Variants in PDE7B observed in about 807,000 individuals in gnomAD.
PDE7B encodes the protein phosphodiesterase 7B, also known as 3',5'-cyclic-AMP phosphodiesterase 7B.
Under a neutral mutation model 56.2 loss-of-function variants are expected in PDE7B, and 29 were observed. That is an observed-to-expected ratio of 0.52 (90% CI 0.38 to 0.70). PDE7B has a LOEUF of 0.70. Ranked by LOEUF, PDE7B falls within the 30% of genes least tolerant of loss-of-function variation. The probability of loss-of-function intolerance (pLI) is 0.00; values close to 1 mark genes in which losing one functional copy is unlikely to be tolerated. For missense variants in PDE7B, 490 were observed against 565.0 expected, an observed-to-expected ratio of 0.87 and a Z score of 1.35; for synonymous variants, 197 against 196.9, an observed-to-expected ratio of 1.00 and a Z score of 0.00.
intron 8 of PDE7B, among the ~76,000 whole-genome samples, chr6:136,173,007 TACAA>T (rs1239430773): frequency 7.3e-5 from 11 of 151,500 alleles, no homozygotes; most frequent in Middle Eastern, 3.2e-3. Context: ...TAAAAGAGGA[TACAA>T]ACAAATGGAA....
Position 135,984,846 on chromosome 6 carries a change from C to T in PDE7B, c.82+37322C>T, listed in dbSNP as rs750146741. ...GGGACGTGTATACAGAGTCTGCACA[C>T]GGGAAGAGCTCAGAGCTTAGAGCTG... On this transcript the variant is annotated intron_variant, in intron 2 of 12. Transcript: ENST00000308191. Among the ~76,000 whole-genome samples, 5 of 151,916 alleles carry T rather than the reference C, an allele frequency of 3.3e-5. No homozygotes were observed. The East Asian group carries it at 5.8e-4, about 18-fold the overall frequency.
intron 2 of PDE7B, among the ~76,000 whole-genome samples, chr6:135,981,405 G>A (rs1437276653): frequency 6.6e-6 from 1 of 151,674 alleles, no homozygotes; most frequent in African/African-American, 2.4e-5. Context: ...TGTACATTGT[G>A]CAGCACATGT....
At chr6:136,044,932 C>A (rs1420334844) in intron 2 of PDE7B, 1 of 150,876 alleles carries the variant, frequency 6.6e-6, no homozygotes, top group East Asian at 1.9e-4. Context: ...TCTTTTCTTT[C>A]CCTTTAAAAA....
chr6:135,904,660 C>A (rs182495299), intron 1 of PDE7B, among the ~76,000 whole-genome samples: 16 of 152,250 alleles, frequency 1.1e-4, no homozygotes, highest in Admixed American at 9.2e-4. Context: ...ATAACTTTGA[C>A]ATGTGTAGGG....
chr6:136,193,021 T>A lies in PDE7B; in HGVS notation c.*1181T>A, dbSNP rs1779254514. 6.6e-6 allele frequency: 1 copy of A among 152,554 alleles called. No homozygotes were observed. The highest frequency in any genetic ancestry group is 6.5e-5 in the Admixed American group (1 of 15,286). The allele number at this position is 152,554 out of a possible 1,614,324, so 9.5% of individuals were successfully genotyped here. A position where few individuals can be genotyped will look rare whatever the true frequency, so the allele number is the denominator to read the frequency against. On this transcript the variant is annotated 3_prime_UTR_variant, in exon 13 of 13. Coordinates refer to ENST00000308191, the MANE Select transcript of PDE7B (RefSeq NM_018945.4). ...GGCACCAAGCATCGTTTCCTCAGAT[T>A]AATGAGACCCTTCAACAAGCCTGAA...
At chr6:135,951,473 C>A (rs1774697361) in intron 2 of PDE7B, among the ~76,000 whole-genome samples, 3 of 152,020 alleles carry the variant, frequency 2.0e-5, no homozygotes, top group African/African-American at 7.2e-5. Flanking sequence ...CAAAAAGAGC[C>A]CAGAATATTT....
In PDE7B at chr6:136,191,517, A is replaced by C. The variant is rs1779224309; in HGVS notation, c.1127-97A>C. The C allele has an allele frequency of 3.0e-6, 3 of 1,016,616 alleles. No individual in the cohort carries two copies. The East Asian group carries it at 7.8e-5, about 26-fold the overall frequency. The allele number at this position is 1,016,616 out of a possible 1,614,324, so 63.0% of individuals were successfully genotyped here. A position where few individuals can be genotyped will look rare whatever the true frequency, so the allele number is the denominator to read the frequency against. On this transcript the variant is annotated intron_variant, in intron 12 of 12. Transcript: ENST00000308191. ...CCCCATCTCTACTAAAGATACAAAA[A>C]TTAGCCGGGCGTGGTGGGTCCCCAG...
chr6:135,989,804 G>T (rs896792574), intron 2 of PDE7B, among the ~76,000 whole-genome samples: 6 of 152,036 alleles, frequency 3.9e-5, no homozygotes, highest in African/African-American at 1.4e-4. Context: ...TGGGTTTCTG[G>T]TTTCTCTCTA....
In PDE7B at chr6:136,014,557, C is replaced by T. The variant is rs1249012797; in HGVS notation, c.82+67033C>T. Among the ~76,000 whole-genome samples, 7 of 152,110 alleles carry T rather than the reference C, an allele frequency of 4.6e-5. No homozygotes were observed. The East Asian group carries it at 1.3e-3, about 29-fold the overall frequency. ...TGTAAGCTGGTTATATTTCAAAGAGCTAGAGGCTCCTGTAGTTCTCTATTC... is the reference window on the plus strand; with the variant it reads ...TGTAAGCTGGTTATATTTCAAAGAGTTAGAGGCTCCTGTAGTTCTCTATTC... On this transcript the variant is annotated intron_variant, in intron 2 of 12. Coordinates refer to ENST00000308191, the MANE Select transcript of PDE7B (RefSeq NM_018945.4).
chr6:135,909,132 G>A (rs2128193402), intron 1 of PDE7B, among the ~76,000 whole-genome samples: 1 of 152,000 alleles, frequency 6.6e-6, no homozygotes, highest in Admixed American at 6.5e-5. Context: ...ATTGTTGTGG[G>A]GCATGTAAAA....
intron 3 of PDE7B, among the ~76,000 whole-genome samples, chr6:136,124,823 T>C (rs1022096999): frequency 2.6e-5 from 4 of 152,214 alleles, no homozygotes; most frequent in African/African-American, 9.6e-5. Context: ...AGTTAAATTA[T>C]ATATAACATG....
intron 2 of PDE7B, among the ~76,000 whole-genome samples, chr6:135,956,643 G>C (rs1042995284): frequency 6.6e-6 from 1 of 152,068 alleles, no homozygotes; most frequent in African/African-American, 2.4e-5. Flanking sequence ...GCCTTGAGGT[G>C]ATGGCAGGTG....
At chr6:136,079,780 G>A (rs546698403) in intron 2 of PDE7B, among the ~76,000 whole-genome samples, 4 of 151,802 alleles carry the variant, frequency 2.6e-5, no homozygotes, top group Admixed American at 2.6e-4. Context: ...CTTCTCAAAG[G>A]GTATGGCTTC....
intron 3 of PDE7B, among the ~76,000 whole-genome samples, chr6:136,139,901 T>C (rs1778288946): frequency 6.6e-6 from 1 of 152,212 alleles, no homozygotes; most frequent in African/African-American, 2.4e-5. Context: ...TTGCAAAAAT[T>C]TTCTCCCATT....
At chr6:135,925,712 G>C (rs1386588143) in intron 1 of PDE7B, among the ~76,000 whole-genome samples, 1 of 152,144 alleles carries the variant, frequency 6.6e-6, no homozygotes, top group Admixed American at 6.5e-5. Flanking sequence ...CAATTAGAAT[G>C]ATCTTAACGC....
intron 2 of PDE7B, among the ~76,000 whole-genome samples, chr6:136,010,061 A>G (rs544637836): frequency 6.6e-6 from 1 of 152,228 alleles, no homozygotes; most frequent in African/African-American, 2.4e-5. Flanking sequence ...AGATCTTTCT[A>G]ACTTTTCTAT....
At chr6:136,001,087 CAG>C (rs1015138613) in intron 2 of PDE7B, among the ~76,000 whole-genome samples, 49 of 152,342 alleles carry the variant, frequency 3.2e-4, no homozygotes, top group Middle Eastern at 3.4e-3. Flanking sequence ...TCCAGGCAAA[CAG>C]AGTCTGGAGT....
At chr6:135,929,820 A>ATT (rs1488158344) in intron 1 of PDE7B, among the ~76,000 whole-genome samples, 2 of 152,132 alleles carry the variant, frequency 1.3e-5, no homozygotes, top group Non-Finnish European at 2.9e-5. Flanking sequence ...GGACCAGGTG[A>ATT]TACCAGAGCT....
chr6:136,065,325 T>TA (rs1484813890), intron 2 of PDE7B, among the ~76,000 whole-genome samples: 1 of 152,180 alleles, frequency 6.6e-6, no homozygotes, highest in Non-Finnish European at 1.5e-5. Context: ...TAGAATAATA[T>TA]AAAAAAACTG....
Sources: allele counts gnomAD v4.1 joint callset (sites outside exome capture counted in the v4.1 genomes callset), GRCh38; gene constraint gnomAD v4.1.1; transcripts MANE v1.5; gene names NCBI Gene and HGNC (gene_info 2026-07-23, HGNC 2026-07-21).